Variants in DIAPH2 observed in about 807,000 individuals in gnomAD.
The protein encoded by DIAPH2 is diaphanous related formin 2.
Under a neutral mutation model 92.7 loss-of-function variants are expected in DIAPH2, and 35 were observed. The observed-to-expected ratio is 0.38, with a 90% CI of 0.29 to 0.50. The LOEUF is 0.50. Among genes scored for constraint, DIAPH2 ranks in the 20% least tolerant of loss-of-function variants. The pLI is 0.94. For synonymous variants in DIAPH2, 301 were observed against 280.4 expected (o/e 1.07, Z -0.73); for missense variants, 701 against 819.5 (o/e 0.86, Z 1.77).
At chrX:97,521,997 A>G (rs1362676009) in intron 26 of DIAPH2, among the ~76,000 whole-genome samples, 3 of 112,102 alleles carry the variant, frequency 2.7e-5, no homozygotes, top group Admixed American at 1.9e-4. Flanking sequence ...CTATCTGCCA[A>G]TAGAAGTCAT....
intron 25 of DIAPH2, among the ~76,000 whole-genome samples, chrX:97,385,498 T>G (rs188859784): frequency 0.012 from 1,341 of 111,770 alleles, 28 homozygotes; most frequent in African/African-American, 0.041. Flanking sequence ...CCCAAAGTGC[T>G]GGGATTACAA....
intron 26 of DIAPH2, among the ~76,000 whole-genome samples, chrX:97,555,266 A>G (rs1019823004): frequency 8.9e-6 from 1 of 112,216 alleles, no homozygotes; most frequent in African/African-American, 3.2e-5. Context: ...AATGAGTTCT[A>G]TTGCTTCATT....
chrX:97,351,541 C>A (rs1248361102), intron 24 of DIAPH2, among the ~76,000 whole-genome samples: 1 of 111,777 alleles, frequency 8.9e-6, no homozygotes, highest in East Asian at 2.8e-4. Context: ...TAGGGCCCGG[C>A]GCGGTGGCTC....
At position 96,710,018 on chromosome X, in the gene DIAPH2, A is replaced by T. The variant is rs184450032; in HGVS notation, c.132+24828A>T. 1.5e-4 allele frequency among the ~76,000 whole-genome samples: 17 copies of T among 111,985 alleles called. No individual in the cohort carries two copies. The East Asian group carries it at 4.2e-3, about 28-fold the overall frequency. On this transcript the variant is annotated intron_variant, in intron 1 of 26. Coordinates refer to ENST00000324765, the MANE Select transcript of DIAPH2 (RefSeq NM_006729.5). ...TATAGTGACTGAGTCCTTGCCATTA[A>T]AGATTTTTTCAAGTACGGTACTTAT... is the stretch of plus-strand genomic sequence containing the variant.
chrX:96,713,004 C>G (rs1235914020), intron 1 of DIAPH2, among the ~76,000 whole-genome samples: 1 of 110,899 alleles, frequency 9.0e-6, no homozygotes, highest in Non-Finnish European at 1.9e-5. Context: ...CATGATTTGT[C>G]TTGGAATTGG....
chrX:96,944,444 A>T (rs926349579), intron 13 of DIAPH2, among the ~76,000 whole-genome samples: 2 of 110,637 alleles, frequency 1.8e-5, no homozygotes, highest in African/African-American at 6.6e-5. Flanking sequence ...GACACTTAAA[A>T]CCATCATCAA....
chrX:96,909,917 C>G (rs1569425341), intron 5 of DIAPH2, among the ~76,000 whole-genome samples: 1 of 110,449 alleles, frequency 9.1e-6, no homozygotes, highest in Non-Finnish European at 1.9e-5. Context: ...AGAAATAACC[C>G]TAATAATTTT....
At chrX:97,178,230 C>A (rs776033130) in intron 22 of DIAPH2, among the ~76,000 whole-genome samples, 1 of 110,042 alleles carries the variant, frequency 9.1e-6, no homozygotes, top group East Asian at 2.9e-4. Context: ...TAGAACAAGA[C>A]CCTGTCTCCA....
intron 17 of DIAPH2, among the ~76,000 whole-genome samples, chrX:97,054,181 A>AT (rs2066539775): frequency 8.9e-6 from 1 of 112,231 alleles, no homozygotes; most frequent in African/African-American, 3.2e-5. Flanking sequence ...TTGAAGGTCA[A>AT]TAACTGGAAA....
chrX:97,279,730 G>C (rs946628959), intron 23 of DIAPH2, among the ~76,000 whole-genome samples: 1 of 111,791 alleles, frequency 8.9e-6, no homozygotes, highest in African/African-American at 3.2e-5. Flanking sequence ...CCAGATTTAA[G>C]AGGATAGTGA....
chrX:97,108,114 T>A (rs1236740586), intron 20 of DIAPH2, among the ~76,000 whole-genome samples: 1 of 111,289 alleles, frequency 9.0e-6, no homozygotes, highest in Non-Finnish European at 1.9e-5. Flanking sequence ...TGTGTCTAAC[T>A]CTTTGGGGAA....
intron 17 of DIAPH2, among the ~76,000 whole-genome samples, chrX:96,980,260 G>T (rs2065986756): frequency 9.0e-6 from 1 of 111,361 alleles, no homozygotes; most frequent in Admixed American, 9.5e-5. Context: ...GCCAATGGAA[G>T]TGGCTCTTAG....
intron 23 of DIAPH2, among the ~76,000 whole-genome samples, chrX:97,279,718 C>A (rs1001066623): frequency 3.6e-5 from 4 of 111,822 alleles, no homozygotes; most frequent in African/African-American, 1.3e-4. Flanking sequence ...CCCCTTACCA[C>A]ACCAGATTTA....
chrX:97,207,835 T>C (rs1159971511), intron 22 of DIAPH2, among the ~76,000 whole-genome samples: 1 of 111,789 alleles, frequency 8.9e-6, no homozygotes, highest in Non-Finnish European at 1.9e-5. Context: ...TTCTTTTATT[T>C]TGTCAAATGA....
At chrX:97,182,025 A>G (rs2067544386) in intron 22 of DIAPH2, among the ~76,000 whole-genome samples, 1 of 111,445 alleles carries the variant, frequency 9.0e-6, no homozygotes, top group Admixed American at 9.6e-5. Context: ...ATCCTTCACA[A>G]TAAAAATAGA....
chrX:96,688,628 C>T (rs1186953728), intron 1 of DIAPH2, among the ~76,000 whole-genome samples: 6 of 112,448 alleles, frequency 5.3e-5, no homozygotes, highest in Non-Finnish European at 1.1e-4. Context: ...TGAGCCACTG[C>T]ACCCAGTCTT....
chrX:96,991,012 C>G (rs187569153), intron 17 of DIAPH2, among the ~76,000 whole-genome samples: 3 of 111,228 alleles, frequency 2.7e-5, no homozygotes, highest in African/African-American at 9.8e-5. Context: ...GATAATGGCT[C>G]ACACATAGCA....
In DIAPH2 at chrX:96,935,614, T is replaced by C. The variant is rs780238691; in HGVS notation, c.1090-1619T>C. On this transcript the variant is annotated intron_variant, in intron 10 of 26. Transcript: ENST00000324765. Reference sequence around the variant, plus strand: ...TTATTAATAAAGAATATTTATAAAATACTGCATTTACACATGTCTAAATTT... The same window carrying C: ...TTATTAATAAAGAATATTTATAAAACACTGCATTTACACATGTCTAAATTT... Among the ~76,000 whole-genome samples the C allele has an allele frequency of 9.0e-5, 10 of 111,468 alleles. 1 individual carries two copies.
At chrX:97,357,101 C>T (rs1486552456) in intron 24 of DIAPH2, among the ~76,000 whole-genome samples, 2 of 111,450 alleles carry the variant, frequency 1.8e-5, no homozygotes, top group African/African-American at 6.5e-5. Flanking sequence ...CAGAAGTGTT[C>T]CCTATAAATA....
Sources: gnomAD v4.1 joint callset for allele counts (sites outside exome capture counted in the v4.1 genomes callset) on GRCh38, gnomAD v4.1.1 for gene constraint, MANE v1.5 for transcripts, NCBI Gene and HGNC (gene_info 2026-07-23, HGNC 2026-07-21) for gene names.